The following KIF3B variants were observed in gnomAD, a reference collection of about 807,000 sequenced individuals.
KIF3B encodes kinesin family member 3B.
A neutral mutation model predicts 74.3 loss-of-function variants in KIF3B; 38 were observed. That is an observed-to-expected ratio of 0.51 (90% CI 0.39 to 0.67). The LOEUF (loss-of-function observed/expected upper bound fraction) is 0.67, where lower values mean the gene tolerates loss of function less well. KIF3B is among the 30% of genes least tolerant of loss of function. The pLI, the probability that KIF3B is intolerant of heterozygous loss-of-function variation, is 0.00. For missense variants in KIF3B, 649 were observed against 932.0 expected, an observed-to-expected ratio of 0.70 and a Z score of 3.95; for synonymous variants, 326 against 342.5, an observed-to-expected ratio of 0.95 and a Z score of 0.53.
chr20:32,331,166 A>T, intron 8 of KIF3B, 57 bp from the exon 9 acceptor site: 1 of 1,242,752 alleles, frequency 8.0e-7, no homozygotes, highest in East Asian at 2.3e-5. Flanking sequence ...ATGACATCTG[A>T]TGTGTCAGGG....
At chr20:32,306,818 C>T (rs779232532) in intron 1 of KIF3B, among the ~76,000 whole-genome samples, 8 of 152,054 alleles carry the variant, frequency 5.3e-5, no homozygotes, top group Middle Eastern at 3.2e-3. Flanking sequence ...TGGTCTTGAT[C>T]TCTTGACCTT....
intron 1 of KIF3B, among the ~76,000 whole-genome samples, chr20:32,305,570 CTT>C (rs869049527): frequency 1.0e-4 from 9 of 86,870 alleles, no homozygotes; most frequent in South Asian, 3.3e-4. Flanking sequence ...ACTCCCCCAC[CTT>C]TTTTTTTTTT....
intron 1 of KIF3B, among the ~76,000 whole-genome samples, chr20:32,291,909 G>A (rs1179599041): frequency 6.7e-6 from 1 of 148,344 alleles, no homozygotes; most frequent in Non-Finnish European, 1.5e-5. Flanking sequence ...GAGCCACCGC[G>A]CCTCGCCTCA....
chr20:32,305,268 GGGA>G (rs2047764440), intron 1 of KIF3B, among the ~76,000 whole-genome samples: 2 of 152,030 alleles, frequency 1.3e-5, no homozygotes, highest in African/African-American at 2.4e-5. Flanking sequence ...AGGCCGAGGT[GGGA>G]GGAGATCACT....
chr20:32,309,828 G>A lies in KIF3B; in HGVS notation c.51G>A (p.Arg17=), dbSNP rs1600429157. 1 of 1,614,124 alleles carries A rather than the reference G, an allele frequency of 6.2e-7. No homozygotes were observed. The highest frequency in any genetic ancestry group is 2.2e-5 in the East Asian group (1 of 44,872). The change falls in exon 2 of 9, where the codon CGG becomes CGA. Residue 17 remains arginine (R), a synonymous_variant. Coordinates refer to ENST00000375712, the MANE Select transcript of KIF3B (RefSeq NM_004798.4). Reference sequence around the variant, plus strand: ...CAGTCAGGGTGGTGGTTCGCTGTCGGCCCATGAATGGCAAGGAAAAGGCTG... The same window carrying A: ...CAGTCAGGGTGGTGGTTCGCTGTCGACCCATGAATGGCAAGGAAAAGGCTG... ...SESVRVVVRC[R]PMNGKEKAAS...
chr20:32,332,456 T>C lies in KIF3B; in HGVS notation c.*1137T>C, dbSNP rs940079094. The C allele has an allele frequency of 1.3e-5, 2 of 152,282 alleles. No individual in the cohort carries two copies. Among genetic ancestry groups the C allele is most frequent in the African/African-American group, 4.8e-5 (2 of 41,464 alleles). 9.4% of individuals were successfully genotyped at this position (152,282 alleles called of 1,614,324 possible). ...CAGAGAATTCACCGAATCCTAGAAC[T>C]GTGGCTCCCTCCAGGCAGAGCCTAA... On this transcript the variant is annotated 3_prime_UTR_variant, in exon 9 of 9. Transcript: ENST00000375712.
chr20:32,284,453 T>A (rs1479377074), intron 1 of KIF3B, among the ~76,000 whole-genome samples: 3 of 152,140 alleles, frequency 2.0e-5, no homozygotes, highest in Non-Finnish European at 4.4e-5. Flanking sequence ...CAAAGTGTGT[T>A]CTCTGTGACA....
chr20:32,323,305 C>T (rs913260460), intron 5 of KIF3B, among the ~76,000 whole-genome samples: 1 of 148,886 alleles, frequency 6.7e-6, no homozygotes, highest in African/African-American at 2.5e-5. Context: ...TTGGTTTGCT[C>T]GTTTTAAGAT....
chr20:32,299,761 T>C (rs2047734512), intron 1 of KIF3B, among the ~76,000 whole-genome samples: 2 of 151,998 alleles, frequency 1.3e-5, no homozygotes, highest in Admixed American at 1.3e-4. Context: ...AATTCCCCTA[T>C]AAATGGATGT....
chr20:32,299,280 A>G (rs1234047158), intron 1 of KIF3B, among the ~76,000 whole-genome samples: 2 of 150,264 alleles, frequency 1.3e-5, no homozygotes, highest in Non-Finnish European at 2.9e-5. Flanking sequence ...CTTTGTTTAC[A>G]AAACCAGGCT....
intron 1 of KIF3B, among the ~76,000 whole-genome samples, chr20:32,285,711 A>G (rs1306467599): frequency 3.3e-5 from 5 of 152,214 alleles, no homozygotes; most frequent in Non-Finnish European, 7.3e-5. Flanking sequence ...AAGCCCTTCC[A>G]GCCCTGCCCA....
At chr20:32,322,790 T>A (rs1398240395) in intron 5 of KIF3B, among the ~76,000 whole-genome samples, 4 of 62,532 alleles carry the variant, frequency 6.4e-5, no homozygotes, top group African/African-American at 2.2e-4. Context: ...TTATATATAT[T>A]TATATATATA....
In KIF3B at chr20:32,277,704, C is replaced by T; in HGVS notation, c.-127C>T. On this transcript the variant is annotated 5_prime_UTR_variant, in exon 1 of 9. Coordinates refer to ENST00000375712, the MANE Select transcript of KIF3B (RefSeq NM_004798.4). The stretch of plus-strand genomic sequence containing the variant: ...GAATGGCTGAGCCAGGGGTTCGCCG[C>T]CCCCGCCGCCGCCGCCGCCGCCGCC... 1.5e-5 allele frequency: 4 copies of T among 266,206 alleles called. No individual in the cohort carries two copies. The highest frequency in any genetic ancestry group is 2.3e-4 in the South Asian group (2 of 8,672). 16.5% of individuals were successfully genotyped at this position (266,206 alleles called of 1,614,324 possible). A position where few individuals can be genotyped will look rare whatever the true frequency, so the allele number is the denominator to read the frequency against.
chr20:32,295,253 C>T (rs1310967067), intron 1 of KIF3B, among the ~76,000 whole-genome samples: 3 of 151,850 alleles, frequency 2.0e-5, no homozygotes, highest in Non-Finnish European at 2.9e-5. Context: ...AGACAGTTCA[C>T]GCAACTGTTT....
chr20:32,320,854 A>G, intron 5 of KIF3B, among the ~76,000 whole-genome samples: 1 of 152,094 alleles, frequency 6.6e-6, no homozygotes, highest in East Asian at 1.9e-4. Flanking sequence ...TCATTATTTG[A>G]TGGACATTTG....
chr20:32,304,795 CAG>C (rs34339038), intron 1 of KIF3B, among the ~76,000 whole-genome samples: 56,729 of 146,474 alleles, frequency 0.39, 11,150 homozygotes, highest in East Asian at 0.76. Flanking sequence ...GAGCAGGTCA[CAG>C]AGAGAGAGAG....
intron 5 of KIF3B, among the ~76,000 whole-genome samples, chr20:32,317,337 C>T (rs2047833347): frequency 6.6e-6 from 1 of 152,158 alleles, no homozygotes; most frequent in Non-Finnish European, 1.5e-5. Flanking sequence ...TCTCTGGATC[C>T]CATCTGTTAA....
chr20:32,315,498 A>C (rs575040893), intron 2 of KIF3B, among the ~76,000 whole-genome samples: 1 of 152,258 alleles, frequency 6.6e-6, no homozygotes, highest in East Asian at 1.9e-4. Context: ...TGAGGCCAGG[A>C]ATTCAAGACC....
intron 1 of KIF3B, among the ~76,000 whole-genome samples, chr20:32,288,886 CTCA>C (rs2047678965): frequency 6.6e-6 from 1 of 152,114 alleles, no homozygotes; most frequent in Admixed American, 6.6e-5. Flanking sequence ...AAGCATTTAA[CTCA>C]TCATATTAAT....
Sources: gnomAD v4.1 joint callset for allele counts (sites outside exome capture counted in the v4.1 genomes callset) on GRCh38, gnomAD v4.1.1 for gene constraint, MANE v1.5 for transcripts, NCBI Gene and HGNC (gene_info 2026-07-23, HGNC 2026-07-21) for gene names.